Variants in PCDHGB7 observed in about 807,000 individuals in gnomAD.
PCDHGB7 encodes the protein protocadherin gamma-B7.
A neutral mutation model predicts 61.4 loss-of-function variants in PCDHGB7; 37 were observed. The observed-to-expected ratio is 0.60, with a 90% confidence interval of 0.46 to 0.79. The LOEUF is 0.79. Among genes scored for constraint, PCDHGB7 ranks in the 30% least tolerant of loss-of-function variants. The pLI, the probability that PCDHGB7 is intolerant of heterozygous loss-of-function variation, is 0.00. For synonymous variants in PCDHGB7, 464 were observed against 503.5 expected (o/e 0.92, Z 1.05); for missense variants, 1,166 against 1,202.5 (o/e 0.97, Z 0.45).
intron 1 of PCDHGB7, among the ~76,000 whole-genome samples, chr5:141,446,453 A>T (rs2098502702): frequency 6.6e-6 from 1 of 151,946 alleles, no homozygotes; most frequent in Non-Finnish European, 1.5e-5. Context: ...GCAGATATTC[A>T]GTGTGTGATT....
intron 1 of PCDHGB7, chr5:141,422,139 A>C: frequency 1.9e-6 from 3 of 1,588,154 alleles, no homozygotes; most frequent in Non-Finnish European, 2.6e-6. Context: ...AAGTTCAAGT[A>C]CGGGGGTCTC....
At chr5:141,478,355 G>T (rs1193169527) in intron 1 of PCDHGB7, 7 of 1,613,742 alleles carry the variant, frequency 4.3e-6, no homozygotes, top group Non-Finnish European at 5.1e-6. Flanking sequence ...CGCGGACGCC[G>T]TGCGGGGAGG....
At chr5:141,483,737 G>A (rs1052778197) in intron 1 of PCDHGB7, among the ~76,000 whole-genome samples, 4 of 152,102 alleles carry the variant, frequency 2.6e-5, no homozygotes, top group South Asian at 2.1e-4. Context: ...TAGTCAAAAG[G>A]ATATTCCTGA....
chr5:141,458,990 C>T (rs2098958778), intron 1 of PCDHGB7, among the ~76,000 whole-genome samples: 1 of 152,212 alleles, frequency 6.6e-6, no homozygotes, highest in Non-Finnish European at 1.5e-5. Context: ...GCCTCACCCT[C>T]CCAAAGTGCT....
chr5:141,441,887 A>G, intron 1 of PCDHGB7: 1 of 344,596 alleles, frequency 2.9e-6, no homozygotes, highest in African/African-American at 2.2e-5. Context: ...CTGGTCACCA[A>G]GGTGGTGGCT....
chr5:141,441,800 G>T, intron 1 of PCDHGB7: 1 of 382,594 alleles, frequency 2.6e-6, no homozygotes, highest in Non-Finnish European at 5.2e-6. Flanking sequence ...ACGCACCGCG[G>T]GTGCTGTACC....
Position 141,487,390 on chromosome 5 carries a change from G to A in PCDHGB7, c.2416-7417G>A, listed in dbSNP as rs769886634. On this transcript the variant is annotated intron_variant, in intron 1 of 3. Coordinates refer to ENST00000398594, the MANE Select transcript of PCDHGB7 (RefSeq NM_018927.4). The surrounding 1 kb of genome is among the most constrained non-coding windows in gnomAD (Gnocchi z 5.0). The stretch of plus-strand genomic sequence containing the variant: ...GTGCCTGTCTCACCAGATCTCGAAG[G>A]AGGGAGGGGCTTCCCCCTTCCAATG... 1.2e-6 allele frequency: 2 copies of A among 1,614,182 alleles called. No homozygotes were observed. The highest frequency in any genetic ancestry group is 1.3e-5 in the African/African-American group (1 of 75,070).
chr5:141,437,355 A>C (rs2097877902), intron 1 of PCDHGB7, among the ~76,000 whole-genome samples: 1 of 152,238 alleles, frequency 6.6e-6, no homozygotes, highest in Non-Finnish European at 1.5e-5. Flanking sequence ...ATAGTACCTA[A>C]AATTGGAATG....
rs139608956 is a variant in PCDHGB7, at chr5:141,510,637, A to G, written c.2564-310A>G. Among the ~76,000 whole-genome samples, 4 of 152,242 alleles carry G rather than the reference A, an allele frequency of 2.6e-5. No individual in the cohort carries two copies. The East Asian group carries it at 7.7e-4, about 29-fold the overall frequency. ...ACTAAAACCAGAAGAGGTGGTTACC[A>G]TTATCATCCCCATTTTGCAGATGAG... On this transcript the variant is annotated intron_variant, in intron 3 of 3. Transcript: ENST00000398594.
intron 1 of PCDHGB7, among the ~76,000 whole-genome samples, chr5:141,453,288 ATTATTTATTTAT>A (rs577328880): frequency 6.6e-6 from 1 of 151,342 alleles, no homozygotes; most frequent in African/African-American, 2.4e-5. Context: ...TAATTTTTTA[ATTATTTATTTAT>A]TTATTTATTT....
In PCDHGB7 at chr5:141,418,530, G is replaced by T; in HGVS notation, c.671G>T (p.Gly224Val). 6 of 1,613,952 alleles carry T rather than the reference G, an allele frequency of 3.7e-6. No homozygotes were observed. Among genetic ancestry groups the T allele is most frequent in the Non-Finnish European group, 5.1e-6 (6 of 1,179,884 alleles). The part of the protein sequence containing the change: ...ALDGGDPPRS[G>V]TAQIRILVID... ...GATGGTGGGGACCCTCCCCGAAGCGGTACTGCTCAGATAAGAATCCTGGTA... is the reference window on the plus strand; with the variant it reads ...GATGGTGGGGACCCTCCCCGAAGCGTTACTGCTCAGATAAGAATCCTGGTA... The change falls in exon 1 of 4, where the codon GGT (glycine) becomes GTT (valine). Residue 224 changes from glycine (G) to valine (V), a missense_variant. Coordinates refer to ENST00000398594, the MANE Select transcript of PCDHGB7 (RefSeq NM_018927.4).
At chr5:141,473,511 C>T (rs952034051) in intron 1 of PCDHGB7, among the ~76,000 whole-genome samples, 23 of 152,108 alleles carry the variant, frequency 1.5e-4, no homozygotes, top group Non-Finnish European at 3.1e-4. Flanking sequence ...GAGAGCATAA[C>T]AAAGGATCCT....
intron 1 of PCDHGB7, among the ~76,000 whole-genome samples, chr5:141,484,764 A>G (rs1469048336): frequency 6.6e-6 from 1 of 151,806 alleles, no homozygotes; most frequent in African/African-American, 2.4e-5. Flanking sequence ...ATATATATAT[A>G]TGTTGTCTGC....
intron 1 of PCDHGB7, chr5:141,440,160 G>A (rs568136682): frequency 6.6e-6 from 1 of 152,324 alleles, no homozygotes; most frequent in East Asian, 1.9e-4. Flanking sequence ...ATTATAGCTT[G>A]GGCCATAACG....
rs1488305057 is a variant in PCDHGB7, at chr5:141,477,736, C to G, written c.2416-17071C>G. 6.2e-7 allele frequency: 1 copy of G among 1,613,790 alleles called. No homozygotes were observed. The highest frequency in any genetic ancestry group is 1.1e-5 in the South Asian group (1 of 91,088). On this transcript the variant is annotated intron_variant, in intron 1 of 3. Coordinates refer to ENST00000398594, the MANE Select transcript of PCDHGB7 (RefSeq NM_018927.4). This position sits in a 1 kb window ranked among gnomAD's most constrained non-coding sequence, Gnocchi z 4.9. ...AATTTGAATTAACAGCTCATATCAG[C>G]GATGGGGGCACCCCGGTCCTAGCCA...
chr5:141,507,012 G>A (rs2099857902), intron 3 of PCDHGB7: 1 of 152,208 alleles, frequency 6.6e-6, no homozygotes, highest in Admixed American at 6.5e-5. Flanking sequence ...AGAGAACCGA[G>A]AAGGCACTTG....
Position 141,493,689 on chromosome 5 carries a change from C to A in PCDHGB7, c.2416-1118C>A, listed in dbSNP as rs2099749557. The stretch of plus-strand genomic sequence containing the variant: ...GGCAGCCCCAGAATGGTGCTGGTGA[C>A]TCCCGATACACCTGGAATGCTAGGT... On this transcript the variant is annotated intron_variant, in intron 1 of 3. Transcript: ENST00000398594. The surrounding 1 kb of genome is among the most constrained non-coding windows in gnomAD (Gnocchi z 4.3). Among the ~76,000 whole-genome samples the A allele has an allele frequency of 6.6e-6, 1 of 152,218 alleles. No homozygotes were observed. The highest frequency in any genetic ancestry group is 2.4e-5 in the African/African-American group (1 of 41,450).
intron 2 of PCDHGB7, among the ~76,000 whole-genome samples, chr5:141,503,598 C>CA (rs765754054): frequency 0.15 from 9,705 of 65,252 alleles, 922 homozygotes; most frequent in African/African-American, 0.34. Context: ...GACTCCAGCT[C>CA]AAAAAAAAAA....
intron 1 of PCDHGB7, among the ~76,000 whole-genome samples, chr5:141,438,458 G>A (rs1462204360): frequency 6.6e-6 from 1 of 151,538 alleles, no homozygotes. Context: ...CAATGCTTGA[G>A]TTCAATTATT....
Sources: allele counts gnomAD v4.1 joint callset (sites outside exome capture counted in the v4.1 genomes callset), GRCh38; gene constraint gnomAD v4.1.1; non-coding constraint Gnocchi (gnomAD v3.1); transcripts MANE v1.5; gene names NCBI Gene and HGNC (gene_info 2026-07-23, HGNC 2026-07-21).